The following RARB variants were observed in gnomAD, a reference collection of about 807,000 sequenced individuals.
RARB encodes the protein retinoic acid receptor beta.
A neutral mutation model predicts 51.9 loss-of-function variants in RARB; 17 were observed. The ratio of observed to expected loss-of-function variants is 0.33; its 90% confidence interval spans 0.22 to 0.49. The LOEUF is 0.49. Ranked by LOEUF, RARB falls within the 20% of genes least tolerant of loss-of-function variation. The pLI is 0.99. For synonymous variants in RARB, 215 were observed against 195.4 expected (o/e 1.10, Z -0.84); for missense variants, 369 against 550.8 (o/e 0.67, Z 3.30).
intron 2 of RARB, among the ~76,000 whole-genome samples, chr3:24,970,292 G>GT (rs555269725): frequency 3.8e-4 from 58 of 152,158 alleles, no homozygotes; most frequent in African/African-American, 1.3e-3. Context: ...AGTTTGAGGT[G>GT]TAGGTATAGC....
At chr3:24,902,393 T>G (rs1703626779) in intron 2 of RARB, among the ~76,000 whole-genome samples, 1 of 151,454 alleles carries the variant, frequency 6.6e-6, no homozygotes, top group African/African-American at 2.4e-5. Flanking sequence ...CATCCTCAGT[T>G]GACACCAGGT....
At chr3:25,454,983 G>T (rs1694840104) in intron 1 of RARB, among the ~76,000 whole-genome samples, 1 of 152,194 alleles carries the variant, frequency 6.6e-6, no homozygotes, top group South Asian at 2.1e-4. Flanking sequence ...TCGTCAGTGG[G>T]AACTCGGGAA....
intron 2 of RARB, among the ~76,000 whole-genome samples, chr3:25,463,402 C>T (rs1430823814): frequency 6.6e-6 from 1 of 152,098 alleles, no homozygotes; most frequent in Admixed American, 6.5e-5. Flanking sequence ...CAGTGGCTCA[C>T]ACCTGTAATC....
At chr3:25,336,091 G>A (rs1705054954) in intron 5 of RARB, among the ~76,000 whole-genome samples, 1 of 148,888 alleles carries the variant, frequency 6.7e-6, no homozygotes, top group African/African-American at 2.5e-5. Flanking sequence ...AACATTCAAA[G>A]CATGCTGTGA....
At chr3:24,922,296 C>T (rs545668655) in intron 2 of RARB, among the ~76,000 whole-genome samples, 23 of 152,168 alleles carry the variant, frequency 1.5e-4, no homozygotes, top group East Asian at 9.7e-4. Context: ...CAGAACTGCA[C>T]GTTGGAGAAA....
At chr3:25,334,367 A>G (rs996049917) in intron 5 of RARB, among the ~76,000 whole-genome samples, 1 of 152,244 alleles carries the variant, frequency 6.6e-6, no homozygotes, top group Admixed American at 6.5e-5. Context: ...GGATGAGTTC[A>G]TGTCCTTTTT....
intron 4 of RARB, among the ~76,000 whole-genome samples, chr3:25,141,978 G>A (rs1700114286): frequency 6.6e-6 from 1 of 152,142 alleles, no homozygotes; most frequent in Admixed American, 6.5e-5. Context: ...TTAAAGTCTT[G>A]TTATTCCAAG....
chr3:25,361,100 C>T (rs1432813611), intron 5 of RARB, among the ~76,000 whole-genome samples: 1 of 152,180 alleles, frequency 6.6e-6, no homozygotes, highest in African/African-American at 2.4e-5. Flanking sequence ...TTCTCCCTGT[C>T]ACTTCCAGGT....
intron 2 of RARB, among the ~76,000 whole-genome samples, chr3:24,972,215 T>G (rs1696415462): frequency 6.6e-6 from 1 of 152,082 alleles, no homozygotes; most frequent in East Asian, 1.9e-4. Flanking sequence ...CTCTTTTAGC[T>G]CCCACATATG....
chr3:25,295,918 A>G (rs1440700909), intron 5 of RARB, among the ~76,000 whole-genome samples: 2 of 152,198 alleles, frequency 1.3e-5, no homozygotes, highest in Non-Finnish European at 2.9e-5. Context: ...GGGAACAAGG[A>G]TATATGGAGA....
intron 5 of RARB, among the ~76,000 whole-genome samples, chr3:25,413,943 T>TAC (rs1707634194): frequency 6.6e-6 from 1 of 152,226 alleles, no homozygotes; most frequent in South Asian, 2.1e-4. Flanking sequence ...AAGTGTAAAA[T>TAC]GTGTAAGTTT....
intron 2 of RARB, among the ~76,000 whole-genome samples, chr3:25,001,851 C>G (rs6799310): frequency 0.037 from 5,690 of 152,216 alleles, 131 homozygotes; most frequent in Middle Eastern, 0.061. Context: ...TTCCATACAT[C>G]ATCTAAACCT....
chr3:25,255,803 A>T lies in RARB; in HGVS notation c.178+81228A>T, dbSNP rs113278724. 2.9e-3 allele frequency among the ~76,000 whole-genome samples: 435 copies of T among 152,254 alleles called. 2 individuals are homozygous for T. The highest frequency in any genetic ancestry group is 9.9e-3 in the African/African-American group (412 of 41,560). ...TATAATTTTTGAAAACAATAGTTTT[A>T]AAAAAATGATCATTTTTATACCCTT... On this transcript the variant is annotated intron_variant, in intron 5 of 11. Transcript: ENST00000383772.
intron 2 of RARB, among the ~76,000 whole-genome samples, chr3:25,003,559 C>T (rs1053672850): frequency 1.2e-4 from 18 of 152,112 alleles, no homozygotes; most frequent in African/African-American, 4.3e-4. Context: ...GGTACAACTA[C>T]TGGCCTTACT....
chr3:25,454,497 A>C (rs1694797229), intron 1 of RARB, among the ~76,000 whole-genome samples: 1 of 152,124 alleles, frequency 6.6e-6, no homozygotes, highest in Admixed American at 6.5e-5. Context: ...TTGCTTTATA[A>C]CTCCTTTTTC....
At chr3:24,830,785 G>T (rs959557881) in intron 1 of RARB, among the ~76,000 whole-genome samples, 1 of 151,900 alleles carries the variant, frequency 6.6e-6, no homozygotes, top group African/African-American at 2.4e-5. Flanking sequence ...GACAGGTGAG[G>T]CGGAGCGGAG....
chr3:24,856,596 C>T (rs1238866779), intron 1 of RARB, among the ~76,000 whole-genome samples: 1 of 152,146 alleles, frequency 6.6e-6, no homozygotes, highest in African/African-American at 2.4e-5. Flanking sequence ...GTAGCTTCTA[C>T]CCTCCTAAAT....
chr3:25,422,082 A>G (rs1180640495), intron 5 of RARB, among the ~76,000 whole-genome samples: 1 of 152,200 alleles, frequency 6.6e-6, no homozygotes. Flanking sequence ...CTCATTTTTA[A>G]TTGTTTAATT....
At chr3:25,215,717 C>T (rs1186263150) in intron 5 of RARB, among the ~76,000 whole-genome samples, 1 of 152,064 alleles carries the variant, frequency 6.6e-6, no homozygotes. Context: ...CTCTGGCCTT[C>T]TGTCTATGGA....
Sources: gnomAD v4.1 joint callset for allele counts (sites outside exome capture counted in the v4.1 genomes callset) on GRCh38, gnomAD v4.1.1 for gene constraint, MANE v1.5 for transcripts, NCBI Gene and HGNC (gene_info 2026-07-23, HGNC 2026-07-21) for gene names.